The following ST7L variants were observed in gnomAD, a reference collection of about 807,000 sequenced individuals.
ST7L encodes the protein suppression of tumorigenicity 7 like.
Under a neutral mutation model 72.5 loss-of-function variants are expected in ST7L, and 57 were observed. The observed-to-expected ratio is 0.79, with a 90% CI of 0.64 to 0.98. ST7L has a LOEUF of 0.98. Among genes scored for constraint, ST7L ranks in the 50% least tolerant of loss-of-function variants. The pLI, the probability that ST7L is intolerant of heterozygous loss-of-function variation, is 0.00. For synonymous variants in ST7L, 221 were observed against 240.9 expected (o/e 0.92, Z 0.77); for missense variants, 576 against 672.2 (o/e 0.86, Z 1.58).
chr1:112,616,450 A>G (rs1345666378), intron 2 of ST7L, among the ~76,000 whole-genome samples: 1 of 152,172 alleles, frequency 6.6e-6, no homozygotes, highest in Non-Finnish European at 1.5e-5. Flanking sequence ...ATAACCATAT[A>G]AAGGATCTTT....
intron 5 of ST7L, among the ~76,000 whole-genome samples, chr1:112,596,506 T>C (rs1464758292): frequency 6.6e-6 from 1 of 152,208 alleles, no homozygotes; most frequent in Non-Finnish European, 1.5e-5. Context: ...ACCTATCTCA[T>C]CAAGTGACTG....
Position 112,584,003 on chromosome 1 carries a change from C to T in ST7L, c.825G>A (p.Gln275=), listed in dbSNP as rs1164187035. The T allele has an allele frequency of 6.2e-7, 1 of 1,614,062 alleles. No individual in the cohort carries two copies. The highest frequency in any genetic ancestry group is 1.1e-5 in the South Asian group (1 of 91,066). The change falls in exon 7 of 15, where the codon CAG becomes CAA. Residue 275 remains glutamine (Q), a synonymous_variant. Transcript: ENST00000358039. ...ETIYRQSQQC[Q]HQSPQHEAQL... is the part of the protein sequence containing the mutation. Reference sequence around the variant, plus strand: ...GAGCTTCATGCTGAGGACTTTGGTGCTGGCACTGCTGTGACTGCCTATAAA... The same window carrying T: ...GAGCTTCATGCTGAGGACTTTGGTGTTGGCACTGCTGTGACTGCCTATAAA...
At chr1:112,529,212 T>C (rs12401734) in intron 14 of ST7L, 30,156 of 152,094 alleles carry the variant, frequency 0.2, 3,374 homozygotes, top group Non-Finnish European at 0.26. Context: ...CCAAAACGTG[T>C]GCCATATTCT....
intron 14 of ST7L, among the ~76,000 whole-genome samples, chr1:112,533,329 T>A (rs1654689059): frequency 6.6e-6 from 1 of 152,016 alleles, no homozygotes. Flanking sequence ...TTATTTTATT[T>A]TTTTTTTTGA....
rs1006370682 is a variant in ST7L, at chr1:112,524,919, G to A, written c.*1094C>T. ...ACCAATAGGGTCTGGCTTTAATCAAGGAATATCTACAAAGTCACATTACCA... is the reference window on the plus strand; with the variant it reads ...ACCAATAGGGTCTGGCTTTAATCAAAGAATATCTACAAAGTCACATTACCA... On this transcript the variant is annotated 3_prime_UTR_variant, in exon 15 of 15. Coordinates refer to ENST00000358039, the MANE Select transcript of ST7L (RefSeq NM_017744.5). 6.6e-6 allele frequency: 1 copy of A among 152,134 alleles called. No individual in the cohort carries two copies. Among genetic ancestry groups the A allele is most frequent in the Non-Finnish European group, 1.5e-5 (1 of 68,038 alleles). The allele number at this position is 152,134 out of a possible 1,614,324, so 9.4% of individuals were successfully genotyped here.
intron 11 of ST7L, among the ~76,000 whole-genome samples, chr1:112,558,973 T>A (rs1286605789): frequency 1.3e-5 from 2 of 152,202 alleles, no homozygotes; most frequent in Admixed American, 6.5e-5. Context: ...GGAATTGTCA[T>A]AATAAAAAGA....
intron 5 of ST7L, among the ~76,000 whole-genome samples, chr1:112,592,833 T>C (rs1665904978): frequency 6.6e-6 from 1 of 152,200 alleles, no homozygotes; most frequent in Non-Finnish European, 1.5e-5. Context: ...GATAACAATC[T>C]TTCAGTATGT....
chr1:112,563,422 T>C (rs552923603), intron 11 of ST7L, among the ~76,000 whole-genome samples: 2 of 152,326 alleles, frequency 1.3e-5, no homozygotes, highest in Admixed American at 6.5e-5. Flanking sequence ...ATGCTAAGTC[T>C]ACAGACAAAG....
intron 11 of ST7L, among the ~76,000 whole-genome samples, chr1:112,565,606 A>G (rs1462067572): frequency 1.3e-5 from 2 of 151,970 alleles, no homozygotes; most frequent in African/African-American, 4.8e-5. Flanking sequence ...TTAATTCCTA[A>G]CTGTTTTCAA....
intron 11 of ST7L, among the ~76,000 whole-genome samples, chr1:112,570,033 T>A (rs1387306115): frequency 1.3e-5 from 2 of 149,570 alleles, no homozygotes; most frequent in Non-Finnish European, 3.0e-5. Context: ...CCAGAATGAA[T>A]GAAACAGAAT....
chr1:112,535,408 AGAAGAAGAAGAAGAT>A (rs956829579), intron 14 of ST7L, among the ~76,000 whole-genome samples: 5 of 151,204 alleles, frequency 3.3e-5, no homozygotes, highest in Non-Finnish European at 7.4e-5. Context: ...AAGAAGAAGA[AGAAGAAGAAGAAGAT>A]GAAGAAGAAG....
At chr1:112,543,144 T>A (rs1320968564) in intron 13 of ST7L, among the ~76,000 whole-genome samples, 1 of 152,166 alleles carries the variant, frequency 6.6e-6, no homozygotes, top group Non-Finnish European at 1.5e-5. Context: ...CAAAGACTAG[T>A]ATGGAGAAAG....
At chr1:112,587,521 T>C (rs971068903) in intron 6 of ST7L, among the ~76,000 whole-genome samples, 1 of 152,202 alleles carries the variant, frequency 6.6e-6, no homozygotes, top group Non-Finnish European at 1.5e-5. Flanking sequence ...AAGAATCACT[T>C]GAACCCAGGA....
intron 11 of ST7L, among the ~76,000 whole-genome samples, chr1:112,559,396 G>A (rs1055326847): frequency 6.6e-6 from 1 of 151,850 alleles, no homozygotes; most frequent in Admixed American, 6.6e-5. Flanking sequence ...ATGATGCCAG[G>A]CTAATTTTTG....
chr1:112,618,272 T>C (rs1000137429), intron 1 of ST7L: 1 of 1,062,890 alleles, frequency 9.4e-7, no homozygotes, highest in Non-Finnish European at 1.1e-6. Flanking sequence ...CAGCACAGAA[T>C]ACGTAGCAAG....
intron 11 of ST7L, among the ~76,000 whole-genome samples, chr1:112,567,059 T>C (rs1325858976): frequency 6.6e-6 from 1 of 152,244 alleles, no homozygotes; most frequent in East Asian, 1.9e-4. Context: ...TTGTACCATT[T>C]TGTAATCTTA....
chr1:112,591,061 G>A (rs555997276), intron 6 of ST7L, among the ~76,000 whole-genome samples: 1 of 151,570 alleles, frequency 6.6e-6, no homozygotes, highest in South Asian at 2.1e-4. Flanking sequence ...CTCCTGAGTA[G>A]CTGGGACTAC....
At chr1:112,541,853 T>A in intron 14 of ST7L, 98 bp downstream of exon 14, 1 of 1,503,468 alleles carries the variant, frequency 6.7e-7, no homozygotes, top group African/African-American at 1.4e-5. Context: ...TTACAACAAA[T>A]ATCTTCCATT....
chr1:112,532,358 G>A (rs1352102720), intron 14 of ST7L, among the ~76,000 whole-genome samples: 2 of 152,214 alleles, frequency 1.3e-5, no homozygotes, highest in African/African-American at 4.8e-5. Flanking sequence ...CAACACTGTC[G>A]GATTAAAATT....
Sources: allele counts gnomAD v4.1 joint callset (sites outside exome capture counted in the v4.1 genomes callset), GRCh38; gene constraint gnomAD v4.1.1; transcripts MANE v1.5; gene names NCBI Gene and HGNC (gene_info 2026-07-23, HGNC 2026-07-21).